Variants in IGF1R observed in about 807,000 individuals in gnomAD.
The protein encoded by IGF1R is insulin like growth factor 1 receptor, also known as insulin-like growth factor 1 receptor.
A neutral mutation model predicts 144.6 loss-of-function variants in IGF1R; 44 were observed. The observed-to-expected ratio is 0.30, with a 90% CI of 0.24 to 0.39. The LOEUF (loss-of-function observed/expected upper bound fraction) is 0.39. Ranked by LOEUF, IGF1R falls within the 10% of genes least tolerant of loss-of-function variation. The pLI is 1.00. For synonymous variants in IGF1R, 795 were observed against 722.8 expected (o/e 1.10, Z -1.60); for missense variants, 1,355 against 1,833.7 (o/e 0.74, Z 4.77).
At chr15:98,809,645 G>A (rs2056542899) in intron 2 of IGF1R, among the ~76,000 whole-genome samples, 1 of 152,334 alleles carries the variant, frequency 6.6e-6, no homozygotes, top group South Asian at 2.1e-4. Context: ...CCCCAGAGAA[G>A]ACTGGTTTGG....
intron 2 of IGF1R, among the ~76,000 whole-genome samples, chr15:98,850,078 AGTT>A (rs535429768): frequency 3.3e-5 from 5 of 152,260 alleles, no homozygotes; most frequent in Non-Finnish European, 5.9e-5. Context: ...ACAGTTGTGC[AGTT>A]GTTCATTGTA....
At chr15:98,825,994 G>C (rs1385485119) in intron 2 of IGF1R, among the ~76,000 whole-genome samples, 1 of 152,176 alleles carries the variant, frequency 6.6e-6, no homozygotes, top group Non-Finnish European at 1.5e-5. Flanking sequence ...TTTTCAATCA[G>C]AATGATGATC....
chr15:98,716,962 C>T (rs1017350026), intron 2 of IGF1R, among the ~76,000 whole-genome samples: 6 of 152,170 alleles, frequency 3.9e-5, no homozygotes, highest in African/African-American at 1.2e-4. Flanking sequence ...CCATCCTGTG[C>T]CTGCCCTCAC....
intron 1 of IGF1R, among the ~76,000 whole-genome samples, chr15:98,697,391 G>A (rs1396033650): frequency 6.6e-6 from 1 of 152,200 alleles, no homozygotes; most frequent in East Asian, 1.9e-4. Context: ...CGCCACCTCT[G>A]CCTGCTTGTG....
intron 18 of IGF1R, among the ~76,000 whole-genome samples, chr15:98,942,093 C>T (rs534184308): frequency 2.0e-5 from 3 of 152,204 alleles, no homozygotes; most frequent in South Asian, 2.1e-4. Context: ...AGCATCTTTT[C>T]GGCATCTTAC....
intron 2 of IGF1R, among the ~76,000 whole-genome samples, chr15:98,767,286 A>T (rs1228675143): frequency 6.6e-6 from 1 of 152,092 alleles, no homozygotes; most frequent in Admixed American, 6.5e-5. Context: ...GAGTGTGAGT[A>T]TTTCTGTTCC....
intron 20 of IGF1R, among the ~76,000 whole-genome samples, chr15:98,949,991 T>A (rs1353638415): frequency 6.6e-6 from 1 of 152,226 alleles, no homozygotes; most frequent in African/African-American, 2.4e-5. Flanking sequence ...GCTTTTGACA[T>A]GCACTTTAAG....
rs564459900 is a variant in IGF1R at position 98,701,815 on chromosome 15, G to A, written c.95-5747G>A. 2.6e-5 allele frequency among the ~76,000 whole-genome samples: 4 copies of A among 152,294 alleles called. No individual in the cohort carries two copies. In the South Asian group the frequency reaches 8.3e-4, roughly 32 times the overall value. ...ATATTTACATTGGGGCAACAAAATAGATCAGTATTTCCATTAATGTTTACT... is the reference window on the plus strand; with the variant it reads ...ATATTTACATTGGGGCAACAAAATAAATCAGTATTTCCATTAATGTTTACT... On this transcript the variant is annotated intron_variant, in intron 1 of 20. Coordinates refer to ENST00000650285, the MANE Select transcript of IGF1R (RefSeq NM_000875.5).
At chr15:98,874,480 G>A (rs1405972746) in intron 2 of IGF1R, among the ~76,000 whole-genome samples, 1 of 152,158 alleles carries the variant, frequency 6.6e-6, no homozygotes, top group Non-Finnish European at 1.5e-5. Flanking sequence ...GTCAAAAGGG[G>A]TCATATGCTT....
intron 2 of IGF1R, among the ~76,000 whole-genome samples, chr15:98,865,216 TTG>T (rs1166041688): frequency 3.9e-5 from 6 of 152,308 alleles, no homozygotes; most frequent in African/African-American, 1.4e-4. Flanking sequence ...AAGGGTTATT[TTG>T]TGTTTGCAGT....
chr15:98,764,230 C>A (rs777576347), intron 2 of IGF1R, among the ~76,000 whole-genome samples: 16 of 152,140 alleles, frequency 1.1e-4, no homozygotes, highest in Non-Finnish European at 1.8e-4. Context: ...TAACTTTTCT[C>A]CTTATTAACC....
At position 98,935,540 on chromosome 15, in the gene IGF1R, G is replaced by GTGT. The variant is rs984180273; in HGVS notation, c.3297+116_3297+118dup. 1.5e-5 allele frequency: 11 copies of GTGT among 753,614 alleles called. No homozygotes were observed. In the African/African-American group the frequency reaches 1.7e-4, roughly 12 times the overall value. 46.7% of individuals were successfully genotyped at this position (753,614 alleles called of 1,614,324 possible). On this transcript the variant is annotated intron_variant, in intron 17 of 20. Coordinates refer to ENST00000650285, the MANE Select transcript of IGF1R (RefSeq NM_000875.5). This position sits in a 1 kb window ranked among gnomAD's most constrained non-coding sequence, Gnocchi z 4.2. The stretch of plus-strand genomic sequence containing the variant: ...AAATCAGTTTACTTTCCAGCATCCA[G>GTGT]TGTTTCTTACTGCATGCTCAGTTGT...
At chr15:98,954,911 T>TAC (rs2016919674) in intron 20 of IGF1R, among the ~76,000 whole-genome samples, 1 of 152,200 alleles carries the variant, frequency 6.6e-6, no homozygotes, top group Non-Finnish European at 1.5e-5. Flanking sequence ...CTTGGACAGT[T>TAC]AGGTGAGGGA....
At position 98,880,341 on chromosome 15, in the gene IGF1R, C is replaced by A. The variant is rs557833744; in HGVS notation, c.641-10984C>A. 2.6e-5 allele frequency among the ~76,000 whole-genome samples: 4 copies of A among 152,296 alleles called. No homozygotes were observed. The South Asian group carries it at 6.2e-4, about 24-fold the overall frequency. ...TAATGATGCTATTTATAACTTTCCTCCTTCTGGTTTCTTGCTTGCCCTTTT... is the reference window on the plus strand; with the variant it reads ...TAATGATGCTATTTATAACTTTCCTACTTCTGGTTTCTTGCTTGCCCTTTT... On this transcript the variant is annotated intron_variant, in intron 2 of 20. Transcript: ENST00000650285.
intron 17 of IGF1R, among the ~76,000 whole-genome samples, chr15:98,938,773 C>A (rs565368863): frequency 2.3e-4 from 35 of 152,350 alleles, no homozygotes; most frequent in African/African-American, 7.9e-4. Flanking sequence ...CATTTGCTTA[C>A]TTCCACACAG....
chr15:98,748,185 G>A (rs1313371099), intron 2 of IGF1R, among the ~76,000 whole-genome samples: 1 of 152,044 alleles, frequency 6.6e-6, no homozygotes, highest in Non-Finnish European at 1.5e-5. Flanking sequence ...TAATTTTTTA[G>A]AGACAGGATC....
intron 2 of IGF1R, among the ~76,000 whole-genome samples, chr15:98,717,223 A>G (rs2054138960): frequency 6.6e-6 from 1 of 152,172 alleles, no homozygotes; most frequent in Non-Finnish European, 1.5e-5. Flanking sequence ...TGCTAGGACA[A>G]AGCTGCCAGA....
At chr15:98,780,563 AAAAAAAAAAAAAGAG>A (rs1415766919) in intron 2 of IGF1R, among the ~76,000 whole-genome samples, 23 of 32,126 alleles carry the variant, frequency 7.2e-4, no homozygotes, top group African/African-American at 9.1e-4. Flanking sequence ...AAAAAAAAAA[AAAAAAAAAAAAAGAG>A]AGAGAGAGTA....
rs757652597 is a variant in IGF1R at position 98,939,308 on chromosome 15, C to T, written c.3405C>T (p.Asp1135=). The change falls in exon 18 of 21, where the codon GAC becomes GAT. Residue 1135 remains aspartate, a synonymous_variant. Transcript: ENST00000650285. ...ACGCCAATAAGTTCGTCCACAGAGA[C>T]CTTGCTGCCCGGAATTGCATGGTAG... ...YLNANKFVHR[D]LAARNCMVAE... 6.2e-7 allele frequency: 1 copy of T among 1,614,156 alleles called. No individual in the cohort carries two copies. The highest frequency in any genetic ancestry group is 1.7e-5 in the Admixed American group (1 of 60,026).
Sources: allele counts gnomAD v4.1 joint callset (sites outside exome capture counted in the v4.1 genomes callset), GRCh38; gene constraint gnomAD v4.1.1; non-coding constraint Gnocchi (gnomAD v3.1); transcripts MANE v1.5; gene names NCBI Gene and HGNC (gene_info 2026-07-23, HGNC 2026-07-21).